MTMR8: variants seen among roughly 807,000 people sequenced by gnomAD.
MTMR8 encodes phosphatidylinositol-3,5-bisphosphate 3-phosphatase MTMR8.
In MTMR8, 65 loss-of-function variants were observed where a neutral mutation model predicts 39.3. That is an observed-to-expected ratio of 1.65 (90% CI 1.35 to 2.03). The LOEUF (loss-of-function observed/expected upper bound fraction) is 2.03. Among genes scored for constraint, MTMR8 ranks in the 30% most tolerant of loss-of-function variants. The pLI, the probability that MTMR8 is intolerant of heterozygous loss-of-function variation, is 0.00. For synonymous variants in MTMR8, 245 were observed against 185.2 expected (o/e 1.32, Z -2.62); for missense variants, 777 against 538.9 (o/e 1.44, Z -4.37).
Position 64,268,509 on chromosome X carries a change from T to C in MTMR8, c.*28A>G. Reference sequence around the variant, plus strand: ...AGAATCATTGTAGCTGCTGTAGGTATACCTAGCATGGAAGATGAGTAACTA... The same window carrying C: ...AGAATCATTGTAGCTGCTGTAGGTACACCTAGCATGGAAGATGAGTAACTA... On this transcript the variant is annotated 3_prime_UTR_variant, in exon 14 of 14. Transcript: ENST00000374852. The C allele has an allele frequency of 8.5e-7, 1 of 1,179,806 alleles. No homozygotes were observed.
chrX:64,320,717 T>C lies in MTMR8; in HGVS notation c.1481+8055A>G, dbSNP rs150524757. Among the ~76,000 whole-genome samples the C allele has an allele frequency of 4.0e-3, 439 of 110,730 alleles. 3 individuals carry two copies. Among genetic ancestry groups the C allele is most frequent in the African/African-American group, 0.014 (429 of 30,436 alleles). ...AAGCTCCTGCAAATATCAGGGAATG[T>C]AGGAGGTCAGATACATGCTGAGGGT... On this transcript the variant is annotated intron_variant, in intron 12 of 13. Transcript: ENST00000374852.
intron 12 of MTMR8, among the ~76,000 whole-genome samples, chrX:64,316,612 C>T (rs769382257): frequency 9.0e-6 from 1 of 111,440 alleles, no homozygotes; most frequent in South Asian, 3.8e-4. Context: ...TGCACCAATG[C>T]ACACCAGCCT....
At chrX:64,343,416 C>A (rs1477005358) in intron 8 of MTMR8, among the ~76,000 whole-genome samples, 195 bp downstream of exon 8, 2 of 111,816 alleles carry the variant, frequency 1.8e-5, no homozygotes, top group Non-Finnish European at 3.8e-5. Context: ...TATAGTTCAA[C>A]CACCTTGTTT....
chrX:64,298,592 C>T (rs1483128872), intron 12 of MTMR8, among the ~76,000 whole-genome samples: 16 of 92,779 alleles, frequency 1.7e-4, no homozygotes, highest in Admixed American at 4.1e-4. Flanking sequence ...TCTAATTGCC[C>T]TGGCCAGAAC....
intron 12 of MTMR8, among the ~76,000 whole-genome samples, chrX:64,300,733 T>C (rs1297356679): frequency 6.7e-5 from 7 of 105,178 alleles, no homozygotes; most frequent in African/African-American, 2.4e-4. Context: ...CCTTTCCATG[T>C]TTAGCGCTTC....
At chrX:64,383,262 G>A (rs768521041) in intron 1 of MTMR8, among the ~76,000 whole-genome samples, 7 of 110,051 alleles carry the variant, frequency 6.4e-5, no homozygotes, top group Non-Finnish European at 1.3e-4. Context: ...TTCATTTCCA[G>A]CATAGAGCCA....
chrX:64,355,472 G>A (rs1433378788), intron 3 of MTMR8, among the ~76,000 whole-genome samples: 3 of 111,456 alleles, frequency 2.7e-5, no homozygotes. Flanking sequence ...AATTTATATG[G>A]CAACAACTTC....
chrX:64,278,922 G>C (rs1931944341), intron 12 of MTMR8, among the ~76,000 whole-genome samples: 2 of 111,842 alleles, frequency 1.8e-5, no homozygotes, highest in African/African-American at 6.5e-5. Context: ...AAAGATTGCT[G>C]CCTGTTCCTT....
At chrX:64,364,613 C>A (rs950239430) in intron 1 of MTMR8, among the ~76,000 whole-genome samples, 1 of 111,592 alleles carries the variant, frequency 9.0e-6, no homozygotes, top group Non-Finnish European at 1.9e-5. Context: ...TGTACGTAAC[C>A]AGCATCAAAG....
chrX:64,385,141 C>T (rs1924525142), intron 1 of MTMR8, among the ~76,000 whole-genome samples: 1 of 112,227 alleles, frequency 8.9e-6, no homozygotes, highest in Admixed American at 9.5e-5. Context: ...CAAGCTCAAA[C>T]TTCCACAGAT....
intron 12 of MTMR8, among the ~76,000 whole-genome samples, chrX:64,314,188 C>A (rs747696998): frequency 2.0e-4 from 23 of 112,944 alleles, no homozygotes; most frequent in Non-Finnish European, 3.7e-4. Flanking sequence ...GGTCACTACA[C>A]TCTAATGAGT....
intron 12 of MTMR8, chrX:64,305,020 T>C (rs1159498156): frequency 1.3e-5 from 2 of 158,802 alleles, no homozygotes; most frequent in African/African-American, 6.7e-5. Context: ...ATATAAATTG[T>C]ACCTAACTTC....
intron 1 of MTMR8, among the ~76,000 whole-genome samples, chrX:64,375,019 T>G (rs1924229182): frequency 2.2e-5 from 2 of 92,125 alleles, no homozygotes; most frequent in African/African-American, 4.2e-5. Flanking sequence ...TCCTGAATGG[T>G]GAGGGAATAA....
chrX:64,378,604 C>T (rs756915258), intron 1 of MTMR8, among the ~76,000 whole-genome samples: 1 of 111,779 alleles, frequency 8.9e-6, no homozygotes, highest in African/African-American at 3.3e-5. Context: ...ACATTTCAAA[C>T]TAAAAGAAAA....
intron 12 of MTMR8, chrX:64,305,068 A>G (rs1024530438): frequency 4.7e-6 from 1 of 214,523 alleles, no homozygotes; most frequent in Non-Finnish European, 9.4e-6. Context: ...TTCTATTGGT[A>G]TACTGGCAGA....
chrX:64,333,393 T>C (rs1243422218), intron 10 of MTMR8, among the ~76,000 whole-genome samples: 1 of 111,737 alleles, frequency 8.9e-6, no homozygotes, highest in Non-Finnish European at 1.9e-5. Context: ...CTGCCTCTAA[T>C]ATTCACATAT....
chrX:64,306,874 T>A (rs750512656), intron 12 of MTMR8: 71 of 111,218 alleles, frequency 6.4e-4, no homozygotes, highest in African/African-American at 2.0e-3. Context: ...TTCCTCCTCC[T>A]CAACTGCCTC....
chrX:64,379,250 C>T (rs775186915), intron 1 of MTMR8, among the ~76,000 whole-genome samples: 8 of 112,103 alleles, frequency 7.1e-5, no homozygotes, highest in African/African-American at 2.6e-4. Context: ...AAAATGGAAG[C>T]AGACAGAATA....
Position 64,268,544 on chromosome X carries a change from T to C in MTMR8, c.2108A>G (p.His703Arg), listed in dbSNP as rs1413445929. The change falls in exon 14 of 14, where the codon CAT (histidine) becomes CGT (arginine). Residue 703 changes from histidine (H) to arginine (R), a missense_variant. Transcript: ENST00000374852. ...GGAAGATGAGTAACTAACTCACTGA[T>C]GCTTGGAGTAGTCTGCCTCCTTGGT... ...ASTKEADYSK[H>R]Q 2 of 1,203,353 alleles carry C rather than the reference T, an allele frequency of 1.7e-6. No individual in the cohort carries two copies. Among genetic ancestry groups the C allele is most frequent in the Non-Finnish European group, 1.1e-6 (1 of 892,075 alleles).
Sources: gnomAD v4.1 joint callset for allele counts (sites outside exome capture counted in the v4.1 genomes callset) on GRCh38, gnomAD v4.1.1 for gene constraint, MANE v1.5 for transcripts, NCBI Gene and HGNC (gene_info 2026-07-23, HGNC 2026-07-21) for gene names.